Variants in NPAS2 observed in about 807,000 individuals in gnomAD.
NPAS2 encodes the protein neuronal PAS domain-containing protein 2.
In NPAS2, 23 loss-of-function variants were observed where a neutral mutation model predicts 107.5. The observed-to-expected ratio is 0.21, with a 90% CI of 0.15 to 0.30. The LOEUF is 0.30. NPAS2 is among the 10% of genes least tolerant of loss of function. The probability of loss-of-function intolerance (pLI) is 1.00; values close to 1 mark genes in which losing one functional copy is unlikely to be tolerated. For synonymous variants in NPAS2, 403 were observed against 417.5 expected (o/e 0.97, Z 0.42); for missense variants, 756 against 1,043.3 (o/e 0.72, Z 3.79).
chr2:100,880,962 CT>C (rs1217632020), intron 1 of NPAS2, among the ~76,000 whole-genome samples: 2 of 152,172 alleles, frequency 1.3e-5, no homozygotes, highest in Non-Finnish European at 2.9e-5. Flanking sequence ...GTGCAGGGGA[CT>C]GTAGAGTGCC....
At chr2:100,825,807 T>C (rs1676337913) in intron 1 of NPAS2, among the ~76,000 whole-genome samples, 1 of 152,146 alleles carries the variant, frequency 6.6e-6, no homozygotes, top group South Asian at 2.1e-4. Flanking sequence ...TACTGTGATA[T>C]GTGGCCATAA....
chr2:100,924,030 C>T (rs1683407105), intron 2 of NPAS2, among the ~76,000 whole-genome samples: 1 of 152,158 alleles, frequency 6.6e-6, no homozygotes, highest in Non-Finnish European at 1.5e-5. Context: ...AGCAGCTTCC[C>T]TTTGATCTCT....
intron 1 of NPAS2, among the ~76,000 whole-genome samples, chr2:100,890,347 G>A (rs1026057196): frequency 1.3e-5 from 2 of 152,168 alleles, no homozygotes; most frequent in African/African-American, 4.8e-5. Flanking sequence ...ACAGGTGGGT[G>A]CAGGGAAGGG....
chr2:100,829,190 T>TG (rs200349774), intron 1 of NPAS2, among the ~76,000 whole-genome samples: 2 of 151,322 alleles, frequency 1.3e-5, no homozygotes, highest in East Asian at 3.9e-4. Flanking sequence ...TTTGTTGTTT[T>TG]TTTTTTTTTT....
chr2:100,936,085 G>A (rs982717761), intron 4 of NPAS2, among the ~76,000 whole-genome samples: 5 of 152,170 alleles, frequency 3.3e-5, no homozygotes, highest in African/African-American at 7.2e-5. Context: ...TTTAAGAAAC[G>A]TACTTGAATC....
intron 5 of NPAS2, among the ~76,000 whole-genome samples, chr2:100,947,077 T>C (rs1197218769): frequency 6.6e-6 from 1 of 151,684 alleles, no homozygotes; most frequent in Non-Finnish European, 1.5e-5. Flanking sequence ...CATGAGAGAG[T>C]TGGCTGGATA....
intron 7 of NPAS2, among the ~76,000 whole-genome samples, chr2:100,954,053 G>T (rs1283203491): frequency 6.6e-6 from 1 of 152,190 alleles, no homozygotes; most frequent in Non-Finnish European, 1.5e-5. Flanking sequence ...AGGAGGCCGA[G>T]GGAACCTTTA....
At chr2:100,867,975 A>T (rs1573502099) in intron 1 of NPAS2, among the ~76,000 whole-genome samples, 1 of 152,114 alleles carries the variant, frequency 6.6e-6, no homozygotes, top group African/African-American at 2.4e-5. Flanking sequence ...ATTAAATTTC[A>T]ATTTAATTAA....
At chr2:100,948,606 T>C (rs543068939) in intron 6 of NPAS2, among the ~76,000 whole-genome samples, 45 of 132,388 alleles carry the variant, frequency 3.4e-4, no homozygotes, top group African/African-American at 1.2e-3. Flanking sequence ...TTATTTTGTG[T>C]ATATGATAAG....
At chr2:100,941,744 A>T (rs115024925) in intron 5 of NPAS2, among the ~76,000 whole-genome samples, 3,178 of 152,264 alleles carry the variant, frequency 0.021, 78 homozygotes, top group African/African-American at 0.055. Flanking sequence ...GGCATGAGTC[A>T]CGTGCCTTGG....
intron 4 of NPAS2, chr2:100,934,954 A>G (rs1471369478): frequency 3.0e-6 from 3 of 985,228 alleles, no homozygotes; most frequent in Non-Finnish European, 3.6e-6. Flanking sequence ...GAGATAACCC[A>G]TCATGTCCCT....
At chr2:100,866,944 G>A (rs1679292928) in intron 1 of NPAS2, among the ~76,000 whole-genome samples, 1 of 152,154 alleles carries the variant, frequency 6.6e-6, no homozygotes, top group Admixed American at 6.5e-5. Flanking sequence ...TTGTTCTTTG[G>A]GGTGACATTA....
chr2:100,850,953 CAAAAAAAAAAAA>C (rs148858541), intron 1 of NPAS2, among the ~76,000 whole-genome samples: 3 of 41,856 alleles, frequency 7.2e-5, no homozygotes, highest in African/African-American at 1.0e-4. Flanking sequence ...AACTCTGTCT[CAAAAAAAAAAAA>C]AAAAAAAAAA....
chr2:100,977,915 C>A, intron 15 of NPAS2, 116 bp downstream of exon 15: 2 of 838,232 alleles, frequency 2.4e-6, no homozygotes, highest in Non-Finnish European at 3.9e-6. Flanking sequence ...GGGGAATGTC[C>A]CTCCCAATGT....
intron 1 of NPAS2, among the ~76,000 whole-genome samples, chr2:100,894,383 G>T (rs1273366627): frequency 6.6e-6 from 1 of 152,272 alleles, no homozygotes; most frequent in African/African-American, 2.4e-5. Flanking sequence ...AGCGGCTCAG[G>T]GTCAGTGATA....
chr2:100,882,445 TA>T (rs1352095528), intron 1 of NPAS2, among the ~76,000 whole-genome samples: 2 of 151,932 alleles, frequency 1.3e-5, no homozygotes, highest in African/African-American at 2.4e-5. Context: ...CCATCTCTAC[TA>T]AAAATACAAA....
chr2:100,970,917 C>A (rs563180019), intron 11 of NPAS2, 73 bp from the exon 12 acceptor site: 4 of 1,336,168 alleles, frequency 3.0e-6, no homozygotes, highest in Admixed American at 3.4e-5. Context: ...ATGTACCTTG[C>A]TGTCTGTTCA....
At chr2:100,881,431 C>G (rs963321790) in intron 1 of NPAS2, among the ~76,000 whole-genome samples, 2 of 152,208 alleles carry the variant, frequency 1.3e-5, no homozygotes, top group African/African-American at 4.8e-5. Flanking sequence ...CACCCCTGTG[C>G]TCCCAGCACT....
Position 100,881,542 on chromosome 2 carries a change from C to T in NPAS2, c.-22-23191C>T, listed in dbSNP as rs181406632. 4.5e-4 allele frequency among the ~76,000 whole-genome samples: 69 copies of T among 152,224 alleles called. 2 individuals are homozygous for T. The East Asian group carries it at 9.7e-3, about 21-fold the overall frequency. ...CTCTAGTAAAAATACAAAAATTAGT[C>T]AGGCGTGGTGGCAGGTGCCTGTAAT... On this transcript the variant is annotated intron_variant, in intron 1 of 20. Coordinates refer to ENST00000335681, the MANE Select transcript of NPAS2 (RefSeq NM_002518.4).
Sources: allele counts gnomAD v4.1 joint callset (sites outside exome capture counted in the v4.1 genomes callset), GRCh38; gene constraint gnomAD v4.1.1; transcripts MANE v1.5; gene names NCBI Gene and HGNC (gene_info 2026-07-23, HGNC 2026-07-21).